Variants in DLGAP2 observed in about 807,000 individuals in gnomAD.
DLGAP2 encodes the protein disks large-associated protein 2.
DLGAP2 carries 26 observed loss-of-function variants against 100.3 expected under a neutral mutation model. That is an observed-to-expected ratio of 0.26 (90% CI 0.19 to 0.36). The LOEUF (loss-of-function observed/expected upper bound fraction) is 0.36. Ranked by LOEUF, DLGAP2 falls within the 10% of genes least tolerant of loss-of-function variation. The probability of loss-of-function intolerance (pLI) is 1.00; values close to 1 mark genes in which losing one functional copy is unlikely to be tolerated. For synonymous variants in DLGAP2, 886 were observed against 630.1 expected (o/e 1.41, Z -6.08); for missense variants, 1,858 against 1,453.2 (o/e 1.28, Z -4.53).
chr8:1,349,646 A>ATGT (rs1563098550), intron 3 of DLGAP2, among the ~76,000 whole-genome samples: 4 of 114,144 alleles, frequency 3.5e-5, no homozygotes, highest in Non-Finnish European at 3.9e-5. Context: ...ACATCCACAC[A>ATGT]CAGGTAGGAA....
chr8:1,008,893 C>G (rs1316839676), intron 2 of DLGAP2, among the ~76,000 whole-genome samples: 1 of 152,238 alleles, frequency 6.6e-6, no homozygotes, highest in Non-Finnish European at 1.5e-5. Context: ...CCACATGGCC[C>G]CTTCTGACAC....
intron 3 of DLGAP2, among the ~76,000 whole-genome samples, chr8:1,329,485 C>T (rs1019657668): frequency 1.3e-5 from 2 of 152,160 alleles, no homozygotes; most frequent in Non-Finnish European, 2.9e-5. Flanking sequence ...TCTATCATTT[C>T]TTCCCAAGAG....
At chr8:1,458,670 G>A (rs1436456579) in intron 3 of DLGAP2, among the ~76,000 whole-genome samples, 2 of 152,200 alleles carry the variant, frequency 1.3e-5, no homozygotes, top group African/African-American at 4.8e-5. Context: ...TGTGGCTTCA[G>A]GTTGCAGGAC....
chr8:1,496,779 C>A (rs186316906), intron 3 of DLGAP2, among the ~76,000 whole-genome samples: 2 of 152,308 alleles, frequency 1.3e-5, no homozygotes, highest in East Asian at 3.9e-4. Flanking sequence ...CTCCAGGCGG[C>A]ACCCGAGGCA....
At chr8:1,428,213 A>G (rs1456621545) in intron 3 of DLGAP2, among the ~76,000 whole-genome samples, 1 of 151,920 alleles carries the variant, frequency 6.6e-6, no homozygotes, top group African/African-American at 2.4e-5. Context: ...ACCAAATCAG[A>G]AAAAAAATTT....
At chr8:886,671 T>C (rs1033280025) in intron 1 of DLGAP2, among the ~76,000 whole-genome samples, 13 of 152,222 alleles carry the variant, frequency 8.5e-5, no homozygotes, top group African/African-American at 3.1e-4. Flanking sequence ...TTCCATGAGA[T>C]TGTGTGGTTT....
At chr8:847,912 CT>C (rs1797100806) in intron 1 of DLGAP2, among the ~76,000 whole-genome samples, 1 of 152,018 alleles carries the variant, frequency 6.6e-6, no homozygotes, top group Admixed American at 6.5e-5. Flanking sequence ...CTTATTTTGA[CT>C]TTTAGCTTGG....
chr8:1,177,475 T>C (rs1455243754), intron 2 of DLGAP2, among the ~76,000 whole-genome samples: 2 of 152,124 alleles, frequency 1.3e-5, no homozygotes, highest in Non-Finnish European at 1.5e-5. Flanking sequence ...CGAGACCCGA[T>C]TCTGAATGCA....
chr8:1,697,623 G>A (rs1417432067), intron 14 of DLGAP2, among the ~76,000 whole-genome samples: 1 of 152,202 alleles, frequency 6.6e-6, no homozygotes, highest in Admixed American at 6.5e-5. Flanking sequence ...CCTGACAGGG[G>A]TCTCACCTAT....
At chr8:956,871 C>T (rs1163089796) in intron 2 of DLGAP2, among the ~76,000 whole-genome samples, 1 of 152,184 alleles carries the variant, frequency 6.6e-6, no homozygotes, top group Admixed American at 6.5e-5. Context: ...CAGCAACTTG[C>T]TTCTGTCATT....
chr8:1,328,498 TTTTG>T (rs536738376), intron 3 of DLGAP2, among the ~76,000 whole-genome samples: 112 of 151,988 alleles, frequency 7.4e-4, no homozygotes, highest in Middle Eastern at 3.4e-3. Context: ...TTTTTTGTTT[TTTTG>T]TTTGTTTGTT....
At chr8:1,454,895 C>G (rs1584920888) in intron 3 of DLGAP2, among the ~76,000 whole-genome samples, 1 of 152,286 alleles carries the variant, frequency 6.6e-6, no homozygotes, top group East Asian at 1.9e-4. Context: ...GTCATGCAGA[C>G]AGGATGACCT....
intron 1 of DLGAP2, among the ~76,000 whole-genome samples, chr8:771,320 G>C (rs938533532): frequency 6.6e-6 from 1 of 152,196 alleles, no homozygotes; most frequent in Non-Finnish European, 1.5e-5. Context: ...AAAGGATCGA[G>C]GGACCTCTGT....
intron 1 of DLGAP2, among the ~76,000 whole-genome samples, chr8:865,245 G>A (rs2128990596): frequency 6.6e-6 from 1 of 152,280 alleles, no homozygotes; most frequent in South Asian, 2.1e-4. Flanking sequence ...TTCCTTTAAG[G>A]GATCTTCTAG....
At chr8:1,689,985 G>A (rs1435133947) in intron 12 of DLGAP2, among the ~76,000 whole-genome samples, 1 of 152,206 alleles carries the variant, frequency 6.6e-6, no homozygotes, top group Non-Finnish European at 1.5e-5. Context: ...TTCCTGTGTG[G>A]TTTTGAGGAT....
At chr8:1,241,885 T>C (rs1798804818) in intron 2 of DLGAP2, among the ~76,000 whole-genome samples, 1 of 152,216 alleles carries the variant, frequency 6.6e-6, no homozygotes, top group African/African-American at 2.4e-5. Context: ...GTCACACTGT[T>C]AAAATGACTT....
chr8:1,621,031 A>C (rs1275879436), intron 6 of DLGAP2: 2 of 152,220 alleles, frequency 1.3e-5, no homozygotes, highest in East Asian at 3.9e-4. Context: ...TGCATTAAGA[A>C]ATCTATGTTC....
intron 3 of DLGAP2, among the ~76,000 whole-genome samples, chr8:1,487,975 C>G (rs936834363): frequency 6.6e-6 from 1 of 152,178 alleles, no homozygotes; most frequent in African/African-American, 2.4e-5. Context: ...TGAAATCATA[C>G]CTGTGGAAAT....
intron 1 of DLGAP2, among the ~76,000 whole-genome samples, chr8:834,912 T>C (rs1240504528): frequency 1.3e-5 from 2 of 152,238 alleles, no homozygotes; most frequent in Admixed American, 6.5e-5. Context: ...AGAATGAGAC[T>C]TCATTAACCC....
Sources: gnomAD v4.1 joint callset for allele counts (sites outside exome capture counted in the v4.1 genomes callset) on GRCh38, gnomAD v4.1.1 for gene constraint, MANE v1.5 for transcripts, NCBI Gene and HGNC (gene_info 2026-07-23, HGNC 2026-07-21) for gene names.